The following XPNPEP1 variants were observed in gnomAD, a reference collection of about 807,000 sequenced individuals.
XPNPEP1 encodes the protein X-prolyl aminopeptidase 1.
Under a neutral mutation model 92.4 loss-of-function variants are expected in XPNPEP1, and 39 were observed. The ratio of observed to expected loss-of-function variants is 0.42; its 90% confidence interval spans 0.33 to 0.55. XPNPEP1 has a LOEUF of 0.55. XPNPEP1 is among the 20% of genes least tolerant of loss of function. The probability of loss-of-function intolerance (pLI) is 0.08; values close to 1 mark genes in which losing one functional copy is unlikely to be tolerated. For synonymous variants in XPNPEP1, 307 were observed against 299.4 expected (o/e 1.03, Z -0.26); for missense variants, 654 against 856.1 (o/e 0.76, Z 2.95).
chr10:109,875,464 C>T, intron 15 of XPNPEP1, 64 bp downstream of exon 15: 1 of 1,497,522 alleles, frequency 6.7e-7, no homozygotes, highest in Non-Finnish European at 9.3e-7. Context: ...TGGAGCTCAG[C>T]TGTCCACCTT....
intron 7 of XPNPEP1, among the ~76,000 whole-genome samples, chr10:109,887,707 GGAA>G (rs1413527767): frequency 6.6e-6 from 1 of 152,176 alleles, no homozygotes; most frequent in Non-Finnish European, 1.5e-5. Flanking sequence ...GAAGGGAAAT[GGAA>G]CCTAGAAACC....
intron 12 of XPNPEP1, among the ~76,000 whole-genome samples, chr10:109,879,174 G>A (rs1447172173): frequency 1.1e-3 from 174 of 151,864 alleles, no homozygotes; most frequent in Non-Finnish European, 4.0e-4. Flanking sequence ...CCCAGGAGAC[G>A]GAGCTTGCAG....
At chr10:109,918,875 GGAAGGAAGGAAGGAAGGAA>G (rs1850357846) in intron 1 of XPNPEP1, among the ~76,000 whole-genome samples, 1 of 70,850 alleles carries the variant, frequency 1.4e-5, no homozygotes, top group Non-Finnish European at 2.6e-5. Context: ...AAGGAAGGAA[GGAAGGAAGGAAGGAAGGAA>G]GGAAGGAAGG....
intron 8 of XPNPEP1, among the ~76,000 whole-genome samples, chr10:109,885,554 G>C (rs1443122649): frequency 1.3e-5 from 2 of 152,190 alleles, no homozygotes; most frequent in African/African-American, 4.8e-5. Flanking sequence ...AATGTTTTGT[G>C]GATGGAAGAT....
intron 7 of XPNPEP1, 120 bp from the exon 8 acceptor site, chr10:109,886,461 T>TA (rs1848395737): frequency 2.2e-6 from 2 of 900,504 alleles, no homozygotes; most frequent in Admixed American, 2.3e-5. Context: ...GCACGCTACT[T>TA]AAACAGGCAG....
chr10:109,879,179 T>C (rs1847949385), intron 12 of XPNPEP1, among the ~76,000 whole-genome samples: 1 of 151,706 alleles, frequency 6.6e-6, no homozygotes, highest in Admixed American at 6.6e-5. Flanking sequence ...GAGACGGAGC[T>C]TGCAGTGAGC....
intron 3 of XPNPEP1, among the ~76,000 whole-genome samples, chr10:109,904,211 C>A (rs1375906860): frequency 6.7e-6 from 1 of 148,850 alleles, no homozygotes; most frequent in Non-Finnish European, 1.5e-5. Context: ...TCTATCCTTA[C>A]CTTCCCACTG....
intron 10 of XPNPEP1, among the ~76,000 whole-genome samples, chr10:109,882,155 T>C (rs1848134256): frequency 6.6e-6 from 1 of 152,250 alleles, no homozygotes; most frequent in Non-Finnish European, 1.5e-5. Flanking sequence ...TTCTATTATA[T>C]GCTAAATGCT....
In XPNPEP1 at chr10:109,870,682, CA is replaced by C. The variant is rs762281367; in HGVS notation, c.1696+48del. ...AAAATACAAAACAACGAATAGCTTT[CA>C]AAAAGGCTCAAGGATCCACGCATGC... On this transcript the variant is annotated intron_variant, in intron 18 of 20. Transcript: ENST00000502935. The C allele has an allele frequency of 5.8e-6, 9 of 1,541,986 alleles. No individual in the cohort carries two copies. In the Admixed American group the frequency reaches 1.7e-4, roughly 29 times the overall value.
At chr10:109,873,149 C>A (rs1272928799) in intron 16 of XPNPEP1, among the ~76,000 whole-genome samples, 1 of 152,226 alleles carries the variant, frequency 6.6e-6, no homozygotes, top group Non-Finnish European at 1.5e-5. Flanking sequence ...CTGAGCTGCC[C>A]TAACCTTAGC....
chr10:109,921,562 T>C (rs1196261607), intron 1 of XPNPEP1, among the ~76,000 whole-genome samples: 3 of 152,200 alleles, frequency 2.0e-5, no homozygotes, highest in African/African-American at 7.2e-5. Flanking sequence ...GCGTTCAGCA[T>C]GGGGCAAAAC....
intron 2 of XPNPEP1, among the ~76,000 whole-genome samples, chr10:109,914,583 G>T (rs776774131): frequency 2.6e-5 from 4 of 152,122 alleles, no homozygotes; most frequent in Non-Finnish European, 5.9e-5. Context: ...GATCACCTGA[G>T]GTCGGGAGTT....
At chr10:109,868,767 A>G in intron 19 of XPNPEP1, 55 bp from the exon 20 acceptor site, 2 of 1,520,460 alleles carry the variant, frequency 1.3e-6, no homozygotes, top group Non-Finnish European at 1.8e-6. Flanking sequence ...ATGCTGAAGC[A>G]CCATGAGGTC....
At position 109,880,899 on chromosome 10, in the gene XPNPEP1, G is replaced by C. The variant is rs2133394751; in HGVS notation, c.1074C>G (p.Ile358Met). 6.2e-7 allele frequency: 1 copy of C among 1,614,100 alleles called. No homozygotes were observed. The highest frequency in any genetic ancestry group is 8.5e-7 in the Non-Finnish European group (1 of 1,180,004). The change falls in exon 11 of 21, where the codon ATC (isoleucine) becomes ATG (methionine). Residue 358 changes from isoleucine (I) to methionine (M), a missense_variant. By Grantham distance (10) the Ile-to-Met change is conservative. Transcript: ENST00000502935. ...AATTCTTCACAGCTTTGGCGATGCA[G>C]ATGGGGGTGTAAGGCATACAGCAGC... is the stretch of plus-strand genomic sequence containing the variant. ...DHRCCMPYTPICIAKAVKNSA... is the reference protein window; with the variant it reads ...DHRCCMPYTPMCIAKAVKNSA...
intron 5 of XPNPEP1, among the ~76,000 whole-genome samples, chr10:109,889,942 A>G (rs533501704): frequency 6.6e-6 from 1 of 152,142 alleles, no homozygotes; most frequent in Non-Finnish European, 1.5e-5. Context: ...TCAAACCACT[A>G]AACAAGCCAC....
rs985906024 is a variant in XPNPEP1, at chr10:109,877,989, T to C, written c.1241+11A>G. 6 of 1,614,144 alleles carry C rather than the reference T, an allele frequency of 3.7e-6. No individual in the cohort carries two copies. In the African/African-American group the frequency reaches 6.7e-5, roughly 18 times the overall value. On this transcript the variant is annotated intron_variant, in intron 13 of 20. Transcript: ENST00000502935. ...CACGAGGCTCCTGGGTCCCCCCAAA[T>C]GGATCCTTACCTGCGAAACTCCTCA...
At chr10:109,872,630 T>C (rs1195064684) in intron 16 of XPNPEP1, among the ~76,000 whole-genome samples, 2 of 152,194 alleles carry the variant, frequency 1.3e-5, no homozygotes, top group African/African-American at 4.8e-5. Flanking sequence ...CCCCACTACA[T>C]TGCATAAAAC....
intron 20 of XPNPEP1, among the ~76,000 whole-genome samples, chr10:109,866,256 G>A (rs528049741): frequency 1.7e-4 from 26 of 152,330 alleles, no homozygotes; most frequent in African/African-American, 6.3e-4. Flanking sequence ...CTGGGGTCAG[G>A]ATGGGCACAC....
intron 1 of XPNPEP1, among the ~76,000 whole-genome samples, chr10:109,922,841 G>C (rs1245979350): frequency 1.3e-5 from 2 of 152,248 alleles, no homozygotes; most frequent in African/African-American, 4.8e-5. Context: ...AGGCTACTGG[G>C]GGGATTTTCC....
Sources: allele counts gnomAD v4.1 joint callset (sites outside exome capture counted in the v4.1 genomes callset), GRCh38; gene constraint gnomAD v4.1.1; transcripts MANE v1.5; gene names NCBI Gene and HGNC (gene_info 2026-07-23, HGNC 2026-07-21).